RPH3A: variants seen among roughly 807,000 people sequenced by gnomAD.
The protein encoded by RPH3A is rabphilin 3A.
Under a neutral mutation model 102.2 loss-of-function variants are expected in RPH3A, and 48 were observed. The observed-to-expected ratio is 0.47, with a 90% CI of 0.37 to 0.60. The LOEUF is 0.60. Among genes scored for constraint, RPH3A ranks in the 20% least tolerant of loss-of-function variants. The pLI is 0.00. For synonymous variants in RPH3A, 310 were observed against 324.3 expected, an observed-to-expected ratio of 0.96 and a Z score of 0.47; for missense variants, 781 against 910.1, an observed-to-expected ratio of 0.86 and a Z score of 1.83.
intron 8 of RPH3A, 192 bp downstream of exon 8, chr12:112,868,787 A>C (rs1339105665): frequency 2.5e-5 from 14 of 569,380 alleles, no homozygotes; most frequent in Non-Finnish European, 3.8e-5. Flanking sequence ...TAGCACAGGG[A>C]ACTCTCCAGC....
intron 4 of RPH3A, among the ~76,000 whole-genome samples, chr12:112,841,173 TAAAAAAA>T (rs11447068): frequency 3.0e-4 from 10 of 33,370 alleles, no homozygotes; most frequent in South Asian, 2.8e-3. Context: ...CCTTGTTTCT[TAAAAAAA>T]AAAAAAAAAA....
intron 1 of RPH3A, among the ~76,000 whole-genome samples, chr12:112,589,641 A>G (rs1167354993): frequency 6.6e-6 from 1 of 152,086 alleles, no homozygotes; most frequent in African/African-American, 2.4e-5. Flanking sequence ...ATTTCTTTTT[A>G]ATCACAACAA....
In RPH3A at chr12:112,869,734, C is replaced by A. The variant is rs367990066; in HGVS notation, c.611-25C>A. On this transcript the variant is annotated intron_variant, in intron 8 of 21. Coordinates refer to ENST00000389385, the MANE Select transcript of RPH3A (RefSeq NM_001143854.2). Reference sequence around the variant, plus strand: ...CAGACACCAGAAAACCAGTACTCCTCATAATTTGTGTTTTCTTTCTCCAGG... The same window carrying A: ...CAGACACCAGAAAACCAGTACTCCTAATAATTTGTGTTTTCTTTCTCCAGG... 193 of 1,613,780 alleles carry A rather than the reference C, an allele frequency of 1.2e-4. 1 individual carries two copies. The South Asian group carries it at 1.7e-3, about 14-fold the overall frequency.
rs139500895 is a variant in RPH3A at position 112,703,305 on chromosome 12, A to G, written c.-139-88838A>G. On this transcript the variant is annotated intron_variant, in intron 1 of 21. Coordinates refer to the RPH3A transcript ENST00000543106. Reference sequence around the variant, plus strand: ...GTTACACAGCATATTGTGGCTATAAATGATACAGAGGATGAAATAATGAAA... The same window carrying G: ...GTTACACAGCATATTGTGGCTATAAGTGATACAGAGGATGAAATAATGAAA... 7.5e-3 allele frequency among the ~76,000 whole-genome samples: 1,135 copies of G among 152,314 alleles called. 9 individuals are homozygous for G. Among genetic ancestry groups the G allele is most frequent in the African/African-American group, 0.025 (1,041 of 41,564 alleles).
chr12:112,645,626 G>A (rs748432290), intron 1 of RPH3A, among the ~76,000 whole-genome samples: 12 of 152,154 alleles, frequency 7.9e-5, no homozygotes, highest in Admixed American at 1.3e-4. Context: ...TGCAAATTTC[G>A]TCTTTCTACT....
chr12:112,887,737 C>T, intron 16 of RPH3A, 60 bp from the exon 17 acceptor site: 2 of 1,570,476 alleles, frequency 1.3e-6, no homozygotes, highest in Admixed American at 1.7e-5. Flanking sequence ...ACTCTTGGCA[C>T]ACAGTGGTGT....
At chr12:112,781,633 C>T (rs1039827039) in intron 1 of RPH3A, among the ~76,000 whole-genome samples, 1 of 152,198 alleles carries the variant, frequency 6.6e-6, no homozygotes, top group Non-Finnish European at 1.5e-5. Context: ...GAGTAAGAAC[C>T]TCTCACCCAG....
chr12:112,639,599 T>C (rs1052489378), intron 1 of RPH3A, among the ~76,000 whole-genome samples: 12 of 152,050 alleles, frequency 7.9e-5, no homozygotes, highest in African/African-American at 2.9e-4. Context: ...CCATGGCACA[T>C]TTACCTATGT....
chr12:112,894,378 T>G (rs1324821309), intron 19 of RPH3A, 200 bp from the exon 20 acceptor site: 1 of 600,990 alleles, frequency 1.7e-6, no homozygotes, highest in Admixed American at 3.2e-5. Context: ...TAGGGTCATG[T>G]GGGGATTAAA....
At chr12:112,633,527 C>G (rs1291588249) in intron 1 of RPH3A, among the ~76,000 whole-genome samples, 1 of 152,104 alleles carries the variant, frequency 6.6e-6, no homozygotes, top group Non-Finnish European at 1.5e-5. Flanking sequence ...GCATCCAGCC[C>G]CCTCGTTGTG....
intron 1 of RPH3A, among the ~76,000 whole-genome samples, chr12:112,605,524 G>A (rs892437330): frequency 1.2e-4 from 18 of 152,252 alleles, no homozygotes; most frequent in African/African-American, 4.3e-4. Flanking sequence ...GGTGGAGGTT[G>A]GACATGCCCA....
At chr12:112,799,139 C>A (rs1293452056) in intron 2 of RPH3A, among the ~76,000 whole-genome samples, 18 of 152,132 alleles carry the variant, frequency 1.2e-4, no homozygotes, top group Admixed American at 1.2e-3. Context: ...TAAATCCCTG[C>A]ACTTTGGGAA....
At chr12:112,597,923 A>T (rs2039529253) in intron 1 of RPH3A, among the ~76,000 whole-genome samples, 1 of 152,252 alleles carries the variant, frequency 6.6e-6, no homozygotes, top group African/African-American at 2.4e-5. Flanking sequence ...GCAAATCCCT[A>T]GAATGGAGCG....
At chr12:112,852,425 G>C (rs754234302) in intron 5 of RPH3A, among the ~76,000 whole-genome samples, 7 of 152,202 alleles carry the variant, frequency 4.6e-5, no homozygotes, top group Non-Finnish European at 5.9e-5. Context: ...TGTAGAAAGA[G>C]AAATTTGATA....
At chr12:112,729,678 C>T (rs1315991738) in intron 1 of RPH3A, among the ~76,000 whole-genome samples, 1 of 152,182 alleles carries the variant, frequency 6.6e-6, no homozygotes, top group Admixed American at 6.5e-5. Flanking sequence ...TGATACATAA[C>T]TCGTAATCCA....
At chr12:112,792,403 A>C (rs1198192239) in intron 2 of RPH3A, 140 bp downstream of exon 2, 1 of 152,246 alleles carries the variant, frequency 6.6e-6, no homozygotes, top group African/African-American at 2.4e-5. Context: ...ATTTGCCTAC[A>C]TCCTGCAGTG....
chr12:112,852,441 G>A (rs968993702), intron 5 of RPH3A, among the ~76,000 whole-genome samples: 5 of 152,134 alleles, frequency 3.3e-5, no homozygotes, highest in African/African-American at 1.2e-4. Flanking sequence ...TGATATAAGG[G>A]TTCAGAGATA....
intron 1 of RPH3A, among the ~76,000 whole-genome samples, chr12:112,660,541 T>C (rs1416217881): frequency 1.3e-5 from 2 of 152,034 alleles, no homozygotes; most frequent in African/African-American, 4.8e-5. Context: ...ATTTTTTGGT[T>C]GGGTGTGGTG....
chr12:112,799,364 G>A lies in RPH3A; in HGVS notation c.-19+7101G>A, dbSNP rs141424405. Among the ~76,000 whole-genome samples the A allele has an allele frequency of 3.2e-3, 489 of 152,248 alleles. 2 individuals carry two copies. The highest frequency in any genetic ancestry group is 4.9e-3 in the Non-Finnish European group (330 of 68,008). ...GGTTGTGCCACTGTACTACAGCCTC[G>A]GTGACAGGGTGAGACCCTGTGTCTA... On this transcript the variant is annotated intron_variant, in intron 2 of 21. Transcript: ENST00000389385.
Sources: allele counts gnomAD v4.1 joint callset (sites outside exome capture counted in the v4.1 genomes callset), GRCh38; gene constraint gnomAD v4.1.1; transcripts MANE v1.5; gene names NCBI Gene and HGNC (gene_info 2026-07-23, HGNC 2026-07-21).